The following DPH6 variants were observed in gnomAD, a reference collection of about 807,000 sequenced individuals.
DPH6 encodes diphthamine biosynthesis 6, also known as diphthine--ammonia ligase.
DPH6 carries 33 observed loss-of-function variants against 38.2 expected under a neutral mutation model. The ratio of observed to expected loss-of-function variants is 0.86; its 90% CI spans 0.65 to 1.15. The LOEUF (loss-of-function observed/expected upper bound fraction) is 1.15. DPH6 is among the 50% of genes most tolerant of loss of function. DPH6 has a pLI of 0.00. For missense variants in DPH6, 325 were observed against 320.0 expected (o/e 1.02, Z -0.12); for synonymous variants, 108 against 103.0 (o/e 1.05, Z -0.30).
the DPH6 span, among the ~76,000 whole-genome samples, chr15:35,182,134 G>A: frequency 6.7e-6 from 1 of 148,690 alleles, no homozygotes; most frequent in Non-Finnish European, 1.5e-5. Context: ...ATAGATAAAG[G>A]AATTCATGGC....
intron 3 of DPH6, among the ~76,000 whole-genome samples, chr15:35,465,478 T>C (rs8028032): frequency 0.034 from 5,243 of 152,270 alleles, 300 homozygotes; most frequent in African/African-American, 0.12. Flanking sequence ...TTAGATGCTT[T>C]TTCCTTAAAC....
the DPH6 span, among the ~76,000 whole-genome samples, chr15:35,182,343 AGTAAT>A: frequency 6.6e-6 from 1 of 150,776 alleles, no homozygotes; most frequent in Non-Finnish European, 1.5e-5. Flanking sequence ...TATTACCAAA[AGTAAT>A]GTGCAATTCT....
At chr15:35,237,609 T>G in intron 3 of DPH6, 1 of 1,605,620 alleles carries the variant, frequency 6.2e-7, no homozygotes, top group South Asian at 1.1e-5. Flanking sequence ...CATCTAAATT[T>G]ATGTGGCAAC....
chr15:35,209,438 C>T, the DPH6 span, among the ~76,000 whole-genome samples: 3 of 152,020 alleles, frequency 2.0e-5, no homozygotes, highest in Non-Finnish European at 4.4e-5. Context: ...AGTTCCAACC[C>T]CACACCAGGG....
At chr15:35,432,164 G>A (rs1367481638) in intron 5 of DPH6, among the ~76,000 whole-genome samples, 1 of 151,984 alleles carries the variant, frequency 6.6e-6, no homozygotes, top group Admixed American at 6.6e-5. Flanking sequence ...GAGTCTTCCA[G>A]ATAAACATAA....
chr15:35,298,409 A>G, intron 3 of DPH6: 1 of 740,708 alleles, frequency 1.4e-6, no homozygotes, highest in East Asian at 2.8e-5. Flanking sequence ...CTTCATCATC[A>G]GGGGCACCAG....
the DPH6 span, among the ~76,000 whole-genome samples, chr15:35,161,159 A>G: frequency 1.3e-5 from 2 of 151,264 alleles, no homozygotes; most frequent in Non-Finnish European, 2.9e-5. Flanking sequence ...AAAAAACACA[A>G]AACAAAACAA....
Position 35,385,846 on chromosome 15 carries a change from AT to A in DPH6, c.568-3931del, listed in dbSNP as rs538661507. On this transcript the variant is annotated intron_variant, in intron 6 of 8. Coordinates refer to ENST00000256538, the MANE Select transcript of DPH6 (RefSeq NM_080650.4). ...TATAAAAGTGTGTTTATTGTTTCAC[AT>A]TTTTTTTTATTATTATACTTTAAGT... Among the ~76,000 whole-genome samples, 297 of 151,450 alleles carry A rather than the reference AT, an allele frequency of 2.0e-3. 3 individuals are homozygous for A. The highest frequency in any genetic ancestry group is 4.8e-3 in the Admixed American group (73 of 15,174).
chr15:35,482,449 A>G (rs1426343694), intron 3 of DPH6, among the ~76,000 whole-genome samples: 2 of 152,228 alleles, frequency 1.3e-5, no homozygotes, highest in Non-Finnish European at 2.9e-5. Context: ...AATAAACATT[A>G]TAAATTTACT....
chr15:35,185,724 C>CTTTTTTTTTTT, the DPH6 span, among the ~76,000 whole-genome samples: 2 of 83,016 alleles, frequency 2.4e-5, no homozygotes, highest in African/African-American at 4.1e-5. Flanking sequence ...CCAATCCACT[C>CTTTTTTTTTTT]TTTTTTTTTT....
Position 35,260,551 on chromosome 15 carries a change from A to AAG in DPH6, n.201-39970_201-39969insCT, listed in dbSNP as rs1228062948. On this transcript the variant is annotated intron_variant and non_coding_transcript_variant, in intron 3 of 3. Coordinates refer to the DPH6 transcript ENST00000560386. ...AGTTTAATATTATTAGATAATATTA[A>AAG]ACTTAAGTAATCTGAAGACTTCATT... 9.2e-5 allele frequency among the ~76,000 whole-genome samples: 14 copies of AAG among 151,464 alleles called. No homozygotes were observed. In the South Asian group the frequency reaches 1.5e-3, roughly 16 times the overall value.
chr15:35,192,171 G>GT, the DPH6 span, among the ~76,000 whole-genome samples: 6 of 152,246 alleles, frequency 3.9e-5, no homozygotes, highest in South Asian at 6.2e-4. Flanking sequence ...ACATGATCAT[G>GT]TTTTTTATTG....
At chr15:35,171,925 T>C in the DPH6 span, among the ~76,000 whole-genome samples, 4 of 152,146 alleles carry the variant, frequency 2.6e-5, no homozygotes, top group African/African-American at 9.7e-5. Flanking sequence ...TGGAGTGCAA[T>C]GGCGCAGTCT....
intron 3 of DPH6, among the ~76,000 whole-genome samples, chr15:35,294,105 C>G (rs963685793): frequency 2.6e-5 from 4 of 152,120 alleles, no homozygotes; most frequent in African/African-American, 9.7e-5. Flanking sequence ...TGCCCTAGTT[C>G]CTGAATTGAC....
intron 3 of DPH6, among the ~76,000 whole-genome samples, chr15:35,339,167 G>C (rs1320654442): frequency 6.6e-6 from 1 of 151,518 alleles, no homozygotes; most frequent in East Asian, 1.9e-4. Flanking sequence ...ATGTACCCTA[G>C]AACTTAAAGT....
At chr15:35,309,478 T>C (rs1395039616) in intron 3 of DPH6, among the ~76,000 whole-genome samples, 1 of 152,228 alleles carries the variant, frequency 6.6e-6, no homozygotes, top group Non-Finnish European at 1.5e-5. Flanking sequence ...GATAATTATC[T>C]CATATCACTC....
intron 5 of DPH6, among the ~76,000 whole-genome samples, chr15:35,413,444 A>T (rs1185854393): frequency 1.3e-5 from 2 of 151,460 alleles, no homozygotes; most frequent in Non-Finnish European, 3.0e-5. Context: ...TTTTTCCTTA[A>T]TATATTTGAA....
chr15:35,407,802 T>A (rs150058515), intron 6 of DPH6, among the ~76,000 whole-genome samples: 1 of 151,786 alleles, frequency 6.6e-6, no homozygotes, highest in African/African-American at 2.4e-5. Context: ...AGACAGAGAA[T>A]AGGAGAACGG....
At chr15:35,505,597 GA>G (rs1307023298) in intron 3 of DPH6, among the ~76,000 whole-genome samples, 1 of 151,984 alleles carries the variant, frequency 6.6e-6, no homozygotes, top group African/African-American at 2.4e-5. Flanking sequence ...TTCTGATCCT[GA>G]AGTTACCGTC....
Sources: gnomAD v4.1 joint callset for allele counts (sites outside exome capture counted in the v4.1 genomes callset) on GRCh38, gnomAD v4.1.1 for gene constraint, MANE v1.5 for transcripts, NCBI Gene and HGNC (gene_info 2026-07-23, HGNC 2026-07-21) for gene names.